The following CCT3 variants were observed in gnomAD, a reference collection of about 807,000 sequenced individuals.
CCT3 encodes T-complex protein 1 subunit gamma.
A neutral mutation model predicts 65.3 loss-of-function variants in CCT3; 10 were observed. The observed-to-expected ratio is 0.15, with a 90% CI of 0.09 to 0.26. CCT3 has a LOEUF of 0.26. CCT3 is among the 10% of genes least tolerant of loss of function. CCT3 has a pLI of 1.00. For missense variants in CCT3, 626 were observed against 708.7 expected (o/e 0.88, Z 1.33); for synonymous variants, 225 against 242.3 (o/e 0.93, Z 0.66).
At chr1:156,330,748 C>G (rs888359120) in intron 5 of CCT3, among the ~76,000 whole-genome samples, 1 of 151,552 alleles carries the variant, frequency 6.6e-6, no homozygotes, top group Non-Finnish European at 1.5e-5. Flanking sequence ...ATGGTGAAAC[C>G]CCATCTCTAC....
intron 5 of CCT3, among the ~76,000 whole-genome samples, chr1:156,331,598 A>C (rs960169883): frequency 1.3e-5 from 2 of 150,940 alleles, no homozygotes; most frequent in South Asian, 4.2e-4. Flanking sequence ...CAGGAGAATC[A>C]CTTGAACCTG....
intron 2 of CCT3, chr1:156,335,474 G>A (rs1465486957): frequency 1.7e-5 from 4 of 232,048 alleles, no homozygotes; most frequent in South Asian, 2.5e-4. Context: ...GACATTTACC[G>A]AATATCTATC....
At chr1:156,332,684 C>T (rs903582728) in intron 5 of CCT3, 1 of 152,128 alleles carries the variant, frequency 6.6e-6, no homozygotes, top group African/African-American at 2.4e-5. Flanking sequence ...TCACATTTTT[C>T]TTGATGATTT....
intron 5 of CCT3, among the ~76,000 whole-genome samples, chr1:156,326,812 C>T (rs766908578): frequency 1.3e-5 from 2 of 152,006 alleles, no homozygotes; most frequent in East Asian, 3.8e-4. Flanking sequence ...TTTGGGAAGC[C>T]GAGGCAGGCA....
rs201304186 is a variant in CCT3, at chr1:156,338,227, G to C, written c.-43C>G. On this transcript the variant is annotated 5_prime_UTR_variant, in exon 1 of 14. Coordinates refer to ENST00000295688, the MANE Select transcript of CCT3 (RefSeq NM_005998.5). ...CCGGGTACCCAGAGCTGGGGGAACC[G>C]GCAGAACCTTCTGGAGAGAGAGAAC... 1.3e-6 allele frequency: 2 copies of C among 1,565,658 alleles called. No homozygotes were observed. The highest frequency in any genetic ancestry group is 1.3e-5 in the African/African-American group (1 of 74,458).
chr1:156,334,632 T>C, intron 4 of CCT3, 81 bp downstream of exon 4: 1 of 1,352,818 alleles, frequency 7.4e-7, no homozygotes, highest in South Asian at 1.2e-5. Context: ...AAAAAACTAA[T>C]CAGAGCCTGT....
chr1:156,312,259 C>T (rs964991887), intron 10 of CCT3, 38 bp from the exon 11 acceptor site: 20 of 1,595,456 alleles, frequency 1.3e-5, no homozygotes, highest in Non-Finnish European at 1.5e-5. Flanking sequence ...CAGATGATTT[C>T]AGATACTTGT....
intron 6 of CCT3, among the ~76,000 whole-genome samples, chr1:156,321,538 T>C (rs1349606305): frequency 6.6e-6 from 1 of 152,244 alleles, no homozygotes; most frequent in Non-Finnish European, 1.5e-5. Context: ...ACCATTTTTA[T>C]ATTACTTTCA....
intron 8 of CCT3, among the ~76,000 whole-genome samples, 174 bp from the exon 9 acceptor site, chr1:156,317,721 T>C (rs952295976): frequency 6.6e-6 from 1 of 151,952 alleles, no homozygotes; most frequent in East Asian, 1.9e-4. Context: ...GCTTTTTTTT[T>C]TTTTTGAGAC....
chr1:156,310,609 G>A lies in CCT3; in HGVS notation c.1482C>T (p.Gly494=), dbSNP rs753581876. The A allele has an allele frequency of 5.6e-6, 9 of 1,613,712 alleles. No homozygotes were observed. Among genetic ancestry groups the A allele is most frequent in the Non-Finnish European group, 7.6e-6 (9 of 1,179,746 alleles). ...GCTTCACAGCCAATGGCTCCCATAT[G>A]CCCAGTTCCTTCATGTCCACCAAAG... is the stretch of plus-strand genomic sequence containing the variant. ...TGTLVDMKEL[G]IWEPLAVKLQ... is the part of the protein sequence containing the mutation. The change falls in exon 13 of 14, where the codon GGC becomes GGT. Residue 494 remains glycine, a synonymous_variant. Transcript: ENST00000295688.
At chr1:156,313,404 A>G (rs2101632181) in intron 10 of CCT3, among the ~76,000 whole-genome samples, 1 of 151,504 alleles carries the variant, frequency 6.6e-6, no homozygotes, top group Admixed American at 6.6e-5. Context: ...GAGAAATGGT[A>G]TCTGCCTAAA....
At chr1:156,330,960 C>A (rs1034630933) in intron 5 of CCT3, among the ~76,000 whole-genome samples, 1 of 151,728 alleles carries the variant, frequency 6.6e-6, no homozygotes, top group South Asian at 2.1e-4. Flanking sequence ...TAGCCAGGCA[C>A]GGTGGCTCAC....
intron 1 of CCT3, 49 bp downstream of exon 1, chr1:156,338,105 C>G: frequency 6.4e-7 from 1 of 1,562,642 alleles, no homozygotes; most frequent in South Asian, 1.2e-5. Flanking sequence ...AAAGTATGGA[C>G]AGAAGAGGGC....
rs1249076860 is a variant in CCT3 at position 156,312,801 on chromosome 1, A to C, written c.975-580T>G. On this transcript the variant is annotated intron_variant, in intron 10 of 13. Transcript: ENST00000295688. ...AATATACCTATTAATCTCATATTGAAAATGCAGGTTTTATATAGGTAAGAA... is the reference window on the plus strand; with the variant it reads ...AATATACCTATTAATCTCATATTGACAATGCAGGTTTTATATAGGTAAGAA... Among the ~76,000 whole-genome samples, 9 of 152,310 alleles carry C rather than the reference A, an allele frequency of 5.9e-5. No individual in the cohort carries two copies. The East Asian group carries it at 1.7e-3, about 29-fold the overall frequency.
chr1:156,329,382 T>C (rs1355217097), intron 5 of CCT3, among the ~76,000 whole-genome samples: 1 of 147,916 alleles, frequency 6.8e-6, no homozygotes, highest in Non-Finnish European at 1.5e-5. Context: ...CTGGGCTCAC[T>C]GCAACCTCCA....
In CCT3 at chr1:156,309,038, C is replaced by A; in HGVS notation, c.*161G>T. On this transcript the variant is annotated 3_prime_UTR_variant, in exon 14 of 14. Transcript: ENST00000295688. ...CTTACAATAGAGAAGAATTACATGT[C>A]AGTGTCTTTTGGAAAACTGAGCTGG... 1.7e-6 allele frequency: 1 copy of A among 602,636 alleles called. No homozygotes were observed. Among genetic ancestry groups the A allele is most frequent in the Non-Finnish European group, 3.0e-6 (1 of 336,472 alleles). 37.3% of individuals were successfully genotyped at this position (602,636 alleles called of 1,614,324 possible). A position where few individuals can be genotyped will look rare whatever the true frequency, so the allele number is the denominator to read the frequency against.
Position 156,309,149 on chromosome 1 carries a change from A to G in CCT3, c.*50T>C. On this transcript the variant is annotated 3_prime_UTR_variant, in exon 14 of 14. Transcript: ENST00000295688. ...GTGTTCCTGGCACTCTGGCTCAGGA[A>G]AAGGGGAGACTCTGCTGGTTCTGTG... is the stretch of plus-strand genomic sequence containing the variant. The G allele has an allele frequency of 8.0e-7, 1 of 1,256,942 alleles. No homozygotes were observed. The highest frequency in any genetic ancestry group is 1.2e-6 in the Non-Finnish European group (1 of 855,736). 77.9% of individuals were successfully genotyped at this position (1,256,942 alleles called of 1,614,324 possible).
At position 156,320,856 on chromosome 1, in the gene CCT3, A is replaced by T. The variant is rs1474985681; in HGVS notation, c.592T>A (p.Tyr198Asn). 22 of 1,609,928 alleles carry T rather than the reference A, an allele frequency of 1.4e-5. No homozygotes were observed. Among genetic ancestry groups the T allele is most frequent in the Non-Finnish European group, 1.9e-5 (22 of 1,176,728 alleles). ...AAGTTTACCTTTTCCACTCTTGCAT[A>T]TTTTTTTATGTCAATCTCTTTCCGA... ...NGRKEIDIKK[Y>N]ARVEKIPGGI... The change falls in exon 7 of 14, where the codon TAT becomes AAT. Residue 198 changes from tyrosine (Y) to asparagine (N), a missense_variant. Transcript: ENST00000295688.
chr1:156,312,305 G>A (rs1315897076), intron 10 of CCT3, 84 bp from the exon 11 acceptor site: 6 of 1,305,776 alleles, frequency 4.6e-6, no homozygotes, highest in Non-Finnish European at 6.3e-6. Context: ...TGTAGCTAGG[G>A]ATAAGGGCAA....
Sources: allele counts gnomAD v4.1 joint callset (sites outside exome capture counted in the v4.1 genomes callset), GRCh38; gene constraint gnomAD v4.1.1; transcripts MANE v1.5; gene names NCBI Gene and HGNC (gene_info 2026-07-23, HGNC 2026-07-21).